Variants in RNF38 observed in about 807,000 individuals in gnomAD.
The protein encoded by RNF38 is E3 ubiquitin-protein ligase RNF38.
Under a neutral mutation model 67.2 loss-of-function variants are expected in RNF38, and 15 were observed. The ratio of observed to expected loss-of-function variants is 0.22; its 90% confidence interval spans 0.15 to 0.34. The LOEUF (loss-of-function observed/expected upper bound fraction) is 0.34. Among genes scored for constraint, RNF38 ranks in the 10% least tolerant of loss-of-function variants. RNF38 has a pLI of 1.00. For missense variants in RNF38, 524 were observed against 639.9 expected (o/e 0.82, Z 1.95); for synonymous variants, 220 against 218.8 (o/e 1.01, Z -0.05).
chr9:36,466,035 G>C (rs1164212180), intron 1 of RNF38, among the ~76,000 whole-genome samples: 1 of 152,186 alleles, frequency 6.6e-6, no homozygotes, highest in Non-Finnish European at 1.5e-5. Context: ...CTGGGCAACA[G>C]TGCGAGACTC....
At chr9:36,462,446 C>T (rs2134379309) in intron 1 of RNF38, among the ~76,000 whole-genome samples, 1 of 152,248 alleles carries the variant, frequency 6.6e-6, no homozygotes, top group African/African-American at 2.4e-5. Flanking sequence ...CCATATATCA[C>T]CACTCCTCTG....
At chr9:36,460,679 G>A (rs138484848) in intron 1 of RNF38, among the ~76,000 whole-genome samples, 5 of 151,914 alleles carry the variant, frequency 3.3e-5, no homozygotes, top group Non-Finnish European at 4.4e-5. Flanking sequence ...GCTGAGGTTC[G>A]GAGTTCAAGA....
chr9:36,426,723 A>G (rs775063460), intron 1 of RNF38, among the ~76,000 whole-genome samples: 1 of 152,206 alleles, frequency 6.6e-6, no homozygotes, highest in Non-Finnish European at 1.5e-5. Flanking sequence ...TCCACCAGCA[A>G]TATATTACAG....
chr9:36,448,010 A>G (rs1839348615), intron 1 of RNF38, among the ~76,000 whole-genome samples: 1 of 152,250 alleles, frequency 6.6e-6, no homozygotes. Flanking sequence ...TGAAGCCTAC[A>G]TGCAGCTCTG....
At chr9:36,456,396 T>C (rs959682053) in intron 1 of RNF38, among the ~76,000 whole-genome samples, 1 of 152,230 alleles carries the variant, frequency 6.6e-6, no homozygotes, top group African/African-American at 2.4e-5. Flanking sequence ...ACAGAAATTA[T>C]TCCAAAATAT....
upstream of RNF38, chr9:36,401,189 G>GAGGGGGA (rs1838010444): frequency 3.1e-6 from 3 of 982,422 alleles, no homozygotes; most frequent in African/African-American, 1.8e-5. Context: ...TTTCCACCCC[G>GAGGGGGA]AGGGGGAAGG....
intron 4 of RNF38, among the ~76,000 whole-genome samples, chr9:36,362,090 C>A (rs2133657468): frequency 6.6e-6 from 1 of 152,274 alleles, no homozygotes; most frequent in African/African-American, 2.4e-5. Flanking sequence ...GGCACAGTGG[C>A]TCACGCTTGT....
intron 2 of RNF38, among the ~76,000 whole-genome samples, chr9:36,389,916 G>A (rs1261147534): frequency 1.3e-5 from 2 of 152,186 alleles, no homozygotes; most frequent in East Asian, 3.9e-4. Flanking sequence ...TGATTTCTAT[G>A]GGCAGATTCC....
chr9:36,348,095 T>C (rs1833426983), intron 9 of RNF38, among the ~76,000 whole-genome samples: 1 of 151,176 alleles, frequency 6.6e-6, no homozygotes, highest in Non-Finnish European at 1.5e-5. Flanking sequence ...AAACAAAAAC[T>C]AGAAATGATT....
At chr9:36,461,927 C>T (rs1017448902) in intron 1 of RNF38, among the ~76,000 whole-genome samples, 1 of 152,124 alleles carries the variant, frequency 6.6e-6, no homozygotes, top group Non-Finnish European at 1.5e-5. Flanking sequence ...GGAACAAATG[C>T]TATCATCCAG....
At chr9:36,342,613 A>G (rs1179267103) in intron 10 of RNF38, among the ~76,000 whole-genome samples, 189 bp from the exon 11 acceptor site, 2 of 152,238 alleles carry the variant, frequency 1.3e-5, no homozygotes, top group African/African-American at 4.8e-5. Flanking sequence ...CTGACAGATT[A>G]GCAAGAAAAT....
intron 1 of RNF38, among the ~76,000 whole-genome samples, chr9:36,436,226 G>A (rs1839061892): frequency 6.6e-6 from 1 of 152,152 alleles, no homozygotes; most frequent in Admixed American, 6.6e-5. Flanking sequence ...TGCCAAGAAT[G>A]TAAAGAGTGG....
intron 2 of RNF38, among the ~76,000 whole-genome samples, chr9:36,422,346 G>A (rs1291880955): frequency 3.3e-5 from 5 of 152,088 alleles, no homozygotes; most frequent in Non-Finnish European, 5.9e-5. Flanking sequence ...GAACCTGGGA[G>A]GCAGAGGTTG....
chr9:36,485,285 T>C (rs1207350626), intron 1 of RNF38, among the ~76,000 whole-genome samples: 4 of 152,132 alleles, frequency 2.6e-5, no homozygotes, highest in Admixed American at 2.0e-4. Flanking sequence ...CTTGAACAAG[T>C]GTACAAGGAT....
intron 3 of RNF38, chr9:36,372,609 A>C (rs1388392719): frequency 1.4e-6 from 1 of 697,732 alleles, no homozygotes; most frequent in South Asian, 1.6e-5. Context: ...TTAAGTAGTA[A>C]ACAAGAACAG....
At chr9:36,391,949 G>C (rs1184881869) in intron 1 of RNF38, among the ~76,000 whole-genome samples, 2 of 152,150 alleles carry the variant, frequency 1.3e-5, no homozygotes, top group Non-Finnish European at 2.9e-5. Context: ...CTATAAGAAA[G>C]AAACAAAAGT....
chr9:36,357,854 G>C lies in RNF38; in HGVS notation c.659C>G (p.Ala220Gly). The change falls in exon 5 of 12, where the codon GCT (alanine) becomes GGT (glycine). Residue 220 changes from alanine (A) to glycine (G), a missense_variant. By Grantham distance (60) the Ala-to-Gly change is moderately conservative. This residue lies in a region of RNF38 where 461 missense variants were observed against 517.4 expected (regional missense o/e 0.89). Coordinates refer to ENST00000259605, the MANE Select transcript of RNF38 (RefSeq NM_022781.5). ...IPLCTGQHIP[A>G]CSTQQVPGCS... is the part of the protein sequence containing the mutation. ...TCCTGGGACCTGCTGTGTACTACAA[G>C]CAGGGATGTGCTGGCCTGTGCAGAG... The C allele has an allele frequency of 6.2e-7, 1 of 1,613,954 alleles. No homozygotes were observed. The highest frequency in any genetic ancestry group is 8.5e-7 in the Non-Finnish European group (1 of 1,179,854).
chr9:36,385,380 CTTTTT>C (rs544217136), intron 2 of RNF38, among the ~76,000 whole-genome samples: 1 of 138,532 alleles, frequency 7.2e-6, no homozygotes. Context: ...TCCACTACAG[CTTTTT>C]TTTTTTTTTT....
At chr9:36,373,916 C>T (rs1050147043) in intron 3 of RNF38, among the ~76,000 whole-genome samples, 3 of 152,130 alleles carry the variant, frequency 2.0e-5, no homozygotes, top group African/African-American at 7.2e-5. Flanking sequence ...GTCTCGAACT[C>T]CTGATCTCAG....
Sources: allele counts gnomAD v4.1 joint callset (sites outside exome capture counted in the v4.1 genomes callset), GRCh38; gene constraint gnomAD v4.1.1; regional missense constraint gnomAD v4.1.1; transcripts MANE v1.5; gene names NCBI Gene and HGNC (gene_info 2026-07-23, HGNC 2026-07-21).